The following PACC1 variants were observed in gnomAD, a reference collection of about 807,000 sequenced individuals.
PACC1 encodes proton activated chloride channel 1.
A neutral mutation model predicts 39.7 loss-of-function variants in PACC1; 34 were observed. That is an observed-to-expected ratio of 0.86 (90% CI 0.65 to 1.14). PACC1 has a LOEUF of 1.14. Ranked by LOEUF, PACC1 falls within the 50% of genes most tolerant of loss-of-function variation. The probability of loss-of-function intolerance (pLI) is 0.00; values close to 1 mark genes in which losing one functional copy is unlikely to be tolerated. For synonymous variants in PACC1, 127 were observed against 160.6 expected, an observed-to-expected ratio of 0.79 and a Z score of 1.58; for missense variants, 379 against 436.4, an observed-to-expected ratio of 0.87 and a Z score of 1.17.
chr1:212,407,727 C>A (rs545030078), intron 2 of PACC1, among the ~76,000 whole-genome samples: 89 of 152,290 alleles, frequency 5.8e-4, no homozygotes, highest in African/African-American at 2.1e-3. Flanking sequence ...GAGATCCTCC[C>A]ATCTTGGCCT....
In PACC1 at chr1:212,407,162, G is replaced by A. The variant is rs1199257775; in HGVS notation, c.133+3263C>T. ...CCTGGGTTACCTGGGTGGGCCCGAT[G>A]TGATCACAAAGGCCCTTTAAACACA... On this transcript the variant is annotated intron_variant, in intron 2 of 7. Coordinates refer to ENST00000261455, the MANE Select transcript of PACC1 (RefSeq NM_018252.3). Among the ~76,000 whole-genome samples, 6 of 152,246 alleles carry A rather than the reference G, an allele frequency of 3.9e-5. No homozygotes were observed. The South Asian group carries it at 1.0e-3, about 26-fold the overall frequency.
rs762676279 is a variant in PACC1, at chr1:212,387,144, G to C, written c.134-44C>G. 11 of 1,599,852 alleles carry C rather than the reference G, an allele frequency of 6.9e-6. No homozygotes were observed. In the Admixed American group the frequency reaches 1.9e-4, roughly 27 times the overall value. On this transcript the variant is annotated intron_variant, in intron 2 of 7. Coordinates refer to ENST00000261455, the MANE Select transcript of PACC1 (RefSeq NM_018252.3). ...CATGTGACCCAGGGCACAGGGACAAGGTACAGACAGAGATGGCCAGCAACC... is the reference window on the plus strand; with the variant it reads ...CATGTGACCCAGGGCACAGGGACAACGTACAGACAGAGATGGCCAGCAACC...
At position 212,379,978 on chromosome 1, in the gene PACC1, G is replaced by A. The variant is rs557162123; in HGVS notation, c.555C>T (p.Leu185=). 3.1e-6 allele frequency: 5 copies of A among 1,614,210 alleles called. No homozygotes were observed. The highest frequency in any genetic ancestry group is 1.1e-5 in the South Asian group (1 of 91,086). ...CACTACTCTTGTTCAGGCGGAACTG[G>A]AGGAAGACCAGCTCCCGCTTTTTCA... ...REVKKRELVF[L]QFRLNKSSED... is the part of the protein sequence containing the mutation. The change falls in exon 5 of 8, where the codon CTC becomes CTT. Residue 185 remains leucine, a synonymous_variant. Coordinates refer to ENST00000261455, the MANE Select transcript of PACC1 (RefSeq NM_018252.3).
intron 2 of PACC1, 82 bp downstream of exon 2, chr1:212,410,343 C>A: frequency 7.8e-7 from 1 of 1,282,482 alleles, no homozygotes; most frequent in East Asian, 2.3e-5. Context: ...AAGGGGGCTC[C>A]TCCTCTCCCA....
intron 2 of PACC1, among the ~76,000 whole-genome samples, chr1:212,396,351 A>G (rs1661515997): frequency 6.6e-6 from 1 of 152,124 alleles, no homozygotes; most frequent in African/African-American, 2.4e-5. Context: ...AAAACCAAAC[A>G]CTGCATGTTC....
chr1:212,367,463 G>A (rs948252380), intron 7 of PACC1, among the ~76,000 whole-genome samples: 2 of 152,196 alleles, frequency 1.3e-5, no homozygotes. Context: ...CGTGAAAAGA[G>A]TATTAGGCCC....
At chr1:212,407,028 T>A (rs1661944163) in intron 2 of PACC1, among the ~76,000 whole-genome samples, 1 of 152,296 alleles carries the variant, frequency 6.6e-6, no homozygotes, top group African/African-American at 2.4e-5. Flanking sequence ...GATGTCCAAG[T>A]GTTAATCCTT....
At chr1:212,382,041 C>T (rs1241227762) in intron 4 of PACC1, among the ~76,000 whole-genome samples, 1 of 106,540 alleles carries the variant, frequency 9.4e-6, no homozygotes, top group Non-Finnish European at 1.9e-5. Context: ...CTGGAGTGTT[C>T]TTGTTTTTTT....
At chr1:212,414,066 C>T in intron 1 of PACC1, 8 of 1,534,222 alleles carry the variant, frequency 5.2e-6, no homozygotes, top group Non-Finnish European at 7.0e-6. Context: ...TTGAAGGAAG[C>T]GCTGGACGCA....
Position 212,385,300 on chromosome 1 carries a change from T to C in PACC1, c.469A>G (p.Thr157Ala), listed in dbSNP as rs142753519. 16 of 1,613,872 alleles carry C rather than the reference T, an allele frequency of 9.9e-6. No homozygotes were observed. The African/African-American group carries it at 1.5e-4, about 15-fold the overall frequency. ...MNCTTQRINY[T>A]DPFSNQTVKS... ...ACAGTCTGATTGGAGAAGGGGTCCG[T>C]GTAGTTGATCCTCTGGGTGGTGCAA... The change falls in exon 4 of 8, where the codon ACG becomes GCG. Residue 157 changes from threonine (T) to alanine (A), a missense_variant. By Grantham distance (58) the Thr-to-Ala change is moderately conservative (BLOSUM62 0). Transcript: ENST00000261455.
intron 7 of PACC1, among the ~76,000 whole-genome samples, chr1:212,366,485 A>G (rs757782082): frequency 6.6e-6 from 1 of 152,090 alleles, no homozygotes; most frequent in Non-Finnish European, 1.5e-5. Context: ...TATTTTTAGT[A>G]GAGACGGGGT....
intron 4 of PACC1, 121 bp downstream of exon 4, chr1:212,385,153 G>A (rs1006400486): frequency 2.6e-6 from 3 of 1,147,872 alleles, no homozygotes; most frequent in African/African-American, 3.1e-5. Context: ...TCTCCTTGGG[G>A]ACTAAGGCCC....
chr1:212,369,287 AAGAC>A (rs1462164370), intron 7 of PACC1, among the ~76,000 whole-genome samples: 1 of 152,252 alleles, frequency 6.6e-6, no homozygotes, highest in Non-Finnish European at 1.5e-5. Context: ...TTTATCCACA[AAGAC>A]AGTAAGAAGA....
rs139457757 is a variant in PACC1, at chr1:212,394,834, C to G, written c.134-7734G>C. On this transcript the variant is annotated intron_variant, in intron 2 of 7. Transcript: ENST00000261455. ...CAAATCATGAGTGAACTCCCATTCA[C>G]AATAGCTTTAAAGAGAATAAAATAC... 4.1e-4 allele frequency among the ~76,000 whole-genome samples: 63 copies of G among 152,266 alleles called. No individual in the cohort carries two copies. The East Asian group carries it at 0.012, about 28-fold the overall frequency.
chr1:212,371,280 GA>G (rs1302019157), intron 7 of PACC1, among the ~76,000 whole-genome samples: 1 of 147,098 alleles, frequency 6.8e-6, no homozygotes, highest in African/African-American at 2.5e-5. Context: ...TTAGTTGTTT[GA>G]AAAGTTAAAC....
chr1:212,385,601 C>T (rs1260022188), intron 3 of PACC1, among the ~76,000 whole-genome samples, 176 bp from the exon 4 acceptor site: 5 of 152,198 alleles, frequency 3.3e-5, no homozygotes, highest in East Asian at 1.9e-4. Flanking sequence ...CAGAAAGCCC[C>T]GCTGTAGCAG....
intron 3 of PACC1, 82 bp from the exon 4 acceptor site, chr1:212,385,507 ACCTACGTT>A: frequency 1.4e-6 from 2 of 1,436,256 alleles, no homozygotes; most frequent in Non-Finnish European, 1.9e-6. Flanking sequence ...CCTACCAACA[ACCTACGTT>A]CTGGACTCCC....
chr1:212,409,276 G>A (rs571492363), intron 2 of PACC1, among the ~76,000 whole-genome samples: 2 of 152,282 alleles, frequency 1.3e-5, no homozygotes, highest in South Asian at 2.1e-4. Context: ...CCGGAAAGGA[G>A]AGGCGCGTGG....
At chr1:212,384,909 T>A (rs1661040873) in intron 4 of PACC1, among the ~76,000 whole-genome samples, 1 of 152,242 alleles carries the variant, frequency 6.6e-6, no homozygotes, top group African/African-American at 2.4e-5. Flanking sequence ...ACCTAGAAAT[T>A]CATATTTTCA....
Sources: gnomAD v4.1 joint callset for allele counts (sites outside exome capture counted in the v4.1 genomes callset) on GRCh38, gnomAD v4.1.1 for gene constraint, MANE v1.5 for transcripts, NCBI Gene and HGNC (gene_info 2026-07-23, HGNC 2026-07-21) for gene names.